Variants in CNBD1 observed in about 807,000 individuals in gnomAD.
CNBD1 encodes the protein cyclic nucleotide-binding domain-containing protein 1.
In CNBD1, 71 loss-of-function variants were observed where a neutral mutation model predicts 54.4. The observed-to-expected ratio is 1.30, with a 90% CI of 1.08 to 1.59. The LOEUF is 1.59. CNBD1 is among the 40% of genes most tolerant of loss of function. The pLI, the probability that CNBD1 is intolerant of heterozygous loss-of-function variation, is 0.00. For synonymous variants in CNBD1, 182 were observed against 170.7 expected (o/e 1.07, Z -0.51); for missense variants, 659 against 518.0 (o/e 1.27, Z -2.64).
chr8:86,961,485 A>G (rs1262397115), intron 4 of CNBD1, among the ~76,000 whole-genome samples: 1 of 152,204 alleles, frequency 6.6e-6, no homozygotes, highest in Non-Finnish European at 1.5e-5. Context: ...ATTCCATACA[A>G]TATTGGGGCC....
At chr8:86,942,703 C>A (rs1287263494) in intron 4 of CNBD1, among the ~76,000 whole-genome samples, 1 of 152,192 alleles carries the variant, frequency 6.6e-6, no homozygotes, top group African/African-American at 2.4e-5. Context: ...TATATCCCAT[C>A]GGGTTTTGCA....
chr8:87,398,560 A>T (rs1442929405), intron 2 of CNBD1, among the ~76,000 whole-genome samples: 1 of 152,000 alleles, frequency 6.6e-6, no homozygotes, highest in South Asian at 2.1e-4. Context: ...TTTCACTCTC[A>T]GTTGCTTACA....
chr8:87,160,781 A>G (rs1171181516), intron 4 of CNBD1, among the ~76,000 whole-genome samples: 1 of 152,086 alleles, frequency 6.6e-6, no homozygotes, highest in Non-Finnish European at 1.5e-5. Context: ...TAAAAAAAAC[A>G]GAAAATACCA....
chr8:87,399,410 G>T (rs1409380624), intron 2 of CNBD1, among the ~76,000 whole-genome samples: 1 of 151,898 alleles, frequency 6.6e-6, no homozygotes, highest in Non-Finnish European at 1.5e-5. Flanking sequence ...CTTCATTTGT[G>T]AACATTATGA....
At chr8:87,085,221 C>A (rs970823371) in intron 4 of CNBD1, among the ~76,000 whole-genome samples, 6 of 152,132 alleles carry the variant, frequency 3.9e-5, no homozygotes, top group Admixed American at 3.9e-4. Flanking sequence ...TTATCTGTTA[C>A]CATGCTTTTT....
At chr8:87,251,595 G>GAAAAA (rs34264085) in intron 6 of CNBD1, among the ~76,000 whole-genome samples, 1 of 135,398 alleles carries the variant, frequency 7.4e-6, no homozygotes, top group Non-Finnish European at 1.6e-5. Flanking sequence ...TCTCAAAAAA[G>GAAAAA]AAAAAAAAAA....
chr8:87,045,586 G>C (rs1010758203), intron 4 of CNBD1, among the ~76,000 whole-genome samples: 6 of 150,812 alleles, frequency 4.0e-5, no homozygotes, highest in Admixed American at 4.0e-4. Context: ...TTAGCCGGGC[G>C]TGGTGGCAGG....
intron 8 of CNBD1, among the ~76,000 whole-genome samples, chr8:87,298,212 C>A (rs1808917102): frequency 1.3e-5 from 2 of 151,584 alleles, no homozygotes; most frequent in Admixed American, 6.6e-5. Context: ...AAGTTTTACC[C>A]CACTTGCAAA....
chr8:86,918,316 G>C (rs1274986144), intron 3 of CNBD1, among the ~76,000 whole-genome samples: 4 of 152,124 alleles, frequency 2.6e-5, no homozygotes, highest in African/African-American at 7.2e-5. Flanking sequence ...AAAAACACCT[G>C]TGTAAGCAAA....
chr8:87,394,727 C>A (rs77409095), intron 2 of CNBD1, among the ~76,000 whole-genome samples: 2,871 of 151,950 alleles, frequency 0.019, 92 homozygotes, highest in African/African-American at 0.062. Context: ...ATAAACTCTT[C>A]TTTATTTTTT....
intron 3 of CNBD1, among the ~76,000 whole-genome samples, chr8:86,930,589 T>G (rs1422673519): frequency 6.6e-6 from 1 of 152,174 alleles, no homozygotes; most frequent in Non-Finnish European, 1.5e-5. Flanking sequence ...TGCAGAGGAA[T>G]GCAGAAGAAG....
At chr8:87,109,540 C>CTTTTTTTTT (rs35541466) in intron 4 of CNBD1, among the ~76,000 whole-genome samples, 2 of 107,968 alleles carry the variant, frequency 1.9e-5, no homozygotes, top group African/African-American at 6.1e-5. Flanking sequence ...TTCTTTCTTT[C>CTTTTTTTTT]TTTTTTTTTT....
intron 8 of CNBD1, among the ~76,000 whole-genome samples, chr8:87,327,383 G>T (rs1319335694): frequency 1.3e-5 from 2 of 151,788 alleles, no homozygotes; most frequent in Non-Finnish European, 2.9e-5. Flanking sequence ...CTGGGCAATG[G>T]TGGGCGCCCC....
intron 5 of CNBD1, among the ~76,000 whole-genome samples, chr8:87,224,085 G>A (rs1034819294): frequency 6.6e-6 from 1 of 150,472 alleles, no homozygotes; most frequent in Non-Finnish European, 1.5e-5. Flanking sequence ...TTTTTGATGG[G>A]GTTGTTTGTT....
chr8:87,180,771 A>T (rs949555049), intron 4 of CNBD1, among the ~76,000 whole-genome samples: 1 of 152,132 alleles, frequency 6.6e-6, no homozygotes, highest in Non-Finnish European at 1.5e-5. Flanking sequence ...TGTGTGTTTG[A>T]CTCTCAGGCA....
chr8:87,397,596 C>A (rs1306648147), intron 2 of CNBD1, among the ~76,000 whole-genome samples: 3 of 151,888 alleles, frequency 2.0e-5, no homozygotes, highest in Non-Finnish European at 4.4e-5. Flanking sequence ...TTTTAATTCA[C>A]AGTATTCAGA....
intron 4 of CNBD1, among the ~76,000 whole-genome samples, chr8:86,978,857 C>T (rs1474120967): frequency 6.6e-6 from 1 of 152,024 alleles, no homozygotes; most frequent in Non-Finnish European, 1.5e-5. Context: ...ATTTTAATAA[C>T]TGATTATAAC....
intron 4 of CNBD1, among the ~76,000 whole-genome samples, chr8:87,021,397 C>T (rs1809485958): frequency 6.6e-6 from 1 of 152,088 alleles, no homozygotes; most frequent in African/African-American, 2.4e-5. Flanking sequence ...TTGTTCATAC[C>T]ATATAGATAC....
chr8:87,144,725 G>A (rs974122414), intron 4 of CNBD1, among the ~76,000 whole-genome samples: 10 of 151,502 alleles, frequency 6.6e-5, no homozygotes, highest in Admixed American at 2.0e-4. Context: ...GGAGGCTGAG[G>A]AAGGAGAATG....
Sources: allele counts gnomAD v4.1 joint callset (sites outside exome capture counted in the v4.1 genomes callset), GRCh38; gene constraint gnomAD v4.1.1; transcripts MANE v1.5; gene names NCBI Gene and HGNC (gene_info 2026-07-23, HGNC 2026-07-21).